Variants in TAFA5 observed in about 807,000 individuals in gnomAD.
TAFA5 encodes chemokine-like protein TAFA-5.
Under a neutral mutation model 15.3 loss-of-function variants are expected in TAFA5, and 6 were observed. That is an observed-to-expected ratio of 0.39 (90% CI 0.21 to 0.77). The LOEUF is 0.77. Among genes scored for constraint, TAFA5 ranks in the 30% least tolerant of loss-of-function variants. TAFA5 has a pLI of 0.41. For synonymous variants in TAFA5, 103 were observed against 80.7 expected (o/e 1.28, Z -1.48); for missense variants, 161 against 193.1 (o/e 0.83, Z 0.98).
At chr22:48,606,343 C>T (rs1033570539) in intron 1 of TAFA5, among the ~76,000 whole-genome samples, 1 of 152,102 alleles carries the variant, frequency 6.6e-6, no homozygotes, top group Non-Finnish European at 1.5e-5. Context: ...GATCTCAGCC[C>T]CCAGGGATAC....
At chr22:48,526,341 A>C (rs997890223) in intron 1 of TAFA5, among the ~76,000 whole-genome samples, 3 of 152,236 alleles carry the variant, frequency 2.0e-5, no homozygotes, top group Non-Finnish European at 4.4e-5. Flanking sequence ...GGGATCCTTC[A>C]CTGTGTACCC....
chr22:48,501,465 TCTGCTTCCC>T (rs1920951492), intron 1 of TAFA5, among the ~76,000 whole-genome samples: 1 of 152,214 alleles, frequency 6.6e-6, no homozygotes, highest in Non-Finnish European at 1.5e-5. Flanking sequence ...GGTGACGGCC[TCTGCTTCCC>T]TCCTGGACGC....
At position 48,742,350 on chromosome 22, in the gene TAFA5, G is replaced by A. The variant is rs899968068; in HGVS notation, c.391-7489G>A. 7.9e-5 allele frequency among the ~76,000 whole-genome samples: 12 copies of A among 152,230 alleles called. No individual in the cohort carries two copies. Among genetic ancestry groups the A allele is most frequent in the African/African-American group, 1.4e-4 (6 of 41,452 alleles). ...GGTGTTGAGAAACCTGCTTCACAGC[G>A]GAGGACACAGACAGCAGAGTCAAGC... On this transcript the variant is annotated intron_variant, in intron 3 of 3. Coordinates refer to ENST00000402357, the MANE Select transcript of TAFA5 (RefSeq NM_001082967.3). This position sits in a 1 kb window ranked among gnomAD's most constrained non-coding sequence, Gnocchi z 6.2.
In TAFA5 at chr22:48,614,974, C is replaced by T. The variant is rs1472423697; in HGVS notation, c.113-31623C>T. ...TGGCTGCTTGGGGAGAAGCCACGCA[C>T]TGTAAGAACTCAGCGCTACCTGGGG... On this transcript the variant is annotated intron_variant, in intron 1 of 3. Transcript: ENST00000402357. Among the ~76,000 whole-genome samples the T allele has an allele frequency of 1.3e-5, 2 of 152,174 alleles. 1 individual carries two copies. The highest frequency in any genetic ancestry group is 3.9e-4 in the East Asian group (2 of 5,168).
At chr22:48,578,815 G>A (rs1923918359) in intron 1 of TAFA5, among the ~76,000 whole-genome samples, 1 of 152,184 alleles carries the variant, frequency 6.6e-6, no homozygotes, top group South Asian at 2.1e-4. Context: ...CTTGGCATCA[G>A]GAGCCCCAGG....
intron 1 of TAFA5, among the ~76,000 whole-genome samples, chr22:48,520,254 C>T (rs908661539): frequency 2.6e-5 from 4 of 152,358 alleles, no homozygotes; most frequent in East Asian, 1.9e-4. Flanking sequence ...TGTGAGATGC[C>T]GGGTTTGTGG....
At chr22:48,500,177 C>T (rs562414344) in intron 1 of TAFA5, among the ~76,000 whole-genome samples, 31 of 152,132 alleles carry the variant, frequency 2.0e-4, no homozygotes, top group African/African-American at 6.5e-4. Context: ...GGAGGTGACG[C>T]GGCAGGGTTG....
At chr22:48,504,641 T>C (rs1195903426) in intron 1 of TAFA5, among the ~76,000 whole-genome samples, 1 of 152,134 alleles carries the variant, frequency 6.6e-6, no homozygotes, top group Non-Finnish European at 1.5e-5. Flanking sequence ...GAGAGGGGGC[T>C]CCCTGTTTGG....
intron 2 of TAFA5, among the ~76,000 whole-genome samples, chr22:48,684,293 G>C (rs948875612): frequency 1.3e-5 from 2 of 152,088 alleles, no homozygotes; most frequent in Non-Finnish European, 2.9e-5. Flanking sequence ...TTGTGGGGTA[G>C]AGGGAGGGCA....
In TAFA5 at chr22:48,598,511, A is replaced by AT. The variant is rs1465212732; in HGVS notation, c.113-48083dup. Among the ~76,000 whole-genome samples, 1 of 151,990 alleles carries AT rather than the reference A, an allele frequency of 6.6e-6. No individual in the cohort carries two copies. Among genetic ancestry groups the AT allele is most frequent in the Non-Finnish European group, 1.5e-5 (1 of 67,998 alleles). ...GGTGCCACCTCCTGGGAGAGTGGCC[A>AT]TTTCGTGGGCCCAGCAGTGGCTGCA... On this transcript the variant is annotated intron_variant, in intron 1 of 3. Coordinates refer to ENST00000402357, the MANE Select transcript of TAFA5 (RefSeq NM_001082967.3). This position sits in a 1 kb window ranked among gnomAD's most constrained non-coding sequence, Gnocchi z 4.0.
At chr22:48,718,027 C>T (rs995170317) in intron 3 of TAFA5, among the ~76,000 whole-genome samples, 15 of 152,196 alleles carry the variant, frequency 9.9e-5, no homozygotes, top group African/African-American at 3.4e-4. Flanking sequence ...GCTGCCTTCA[C>T]GAGCCCAGGT....
intron 3 of TAFA5, among the ~76,000 whole-genome samples, chr22:48,723,702 T>G (rs779997890): frequency 3.3e-5 from 5 of 152,210 alleles, no homozygotes; most frequent in Non-Finnish European, 7.3e-5. Flanking sequence ...GAGTTTCAGT[T>G]TCCTTATCTG....
chr22:48,671,900 G>A (rs895002137), intron 2 of TAFA5, among the ~76,000 whole-genome samples: 3 of 152,180 alleles, frequency 2.0e-5, no homozygotes, highest in Non-Finnish European at 4.4e-5. Flanking sequence ...GATGAGTGGG[G>A]AGTAAGCCCG....
chr22:48,622,167 C>A (rs1262817675), intron 1 of TAFA5, among the ~76,000 whole-genome samples: 1 of 152,160 alleles, frequency 6.6e-6, no homozygotes, highest in Non-Finnish European at 1.5e-5. Flanking sequence ...TACCGGGGGC[C>A]CACCTTGACA....
chr22:48,629,814 C>T (rs1159533385), intron 1 of TAFA5, among the ~76,000 whole-genome samples: 2 of 152,202 alleles, frequency 1.3e-5, no homozygotes, highest in African/African-American at 2.4e-5. Context: ...ATCGCCTCTG[C>T]AGGAAACCCT....
chr22:48,509,479 G>A (rs1301618854), intron 1 of TAFA5, among the ~76,000 whole-genome samples: 2 of 152,070 alleles, frequency 1.3e-5, no homozygotes, highest in Non-Finnish European at 2.9e-5. Flanking sequence ...ATTTGTTTGT[G>A]TGTTTGCCTT....
chr22:48,749,547 T>C (rs1038367711), intron 3 of TAFA5, among the ~76,000 whole-genome samples: 2 of 151,960 alleles, frequency 1.3e-5, no homozygotes, highest in African/African-American at 2.4e-5. Flanking sequence ...TATGGCTGCA[T>C]AGAGGAAGGA....
At chr22:48,546,590 A>C in intron 1 of TAFA5, 1 of 471,120 alleles carries the variant, frequency 2.1e-6, no homozygotes, top group Non-Finnish European at 4.4e-6. Context: ...GCATCCAGCG[A>C]GCTTTGGGGA....
chr22:48,718,710 G>A (rs1929479519), intron 3 of TAFA5, among the ~76,000 whole-genome samples: 1 of 152,192 alleles, frequency 6.6e-6, no homozygotes, highest in African/African-American at 2.4e-5. Flanking sequence ...AATTCACGCA[G>A]CCCTTTCGGA....
Sources: allele counts gnomAD v4.1 joint callset (sites outside exome capture counted in the v4.1 genomes callset), GRCh38; gene constraint gnomAD v4.1.1; non-coding constraint Gnocchi (gnomAD v3.1); transcripts MANE v1.5; gene names NCBI Gene and HGNC (gene_info 2026-07-23, HGNC 2026-07-21).